The following CC2D2B variants were observed in gnomAD, a reference collection of about 807,000 sequenced individuals.
The protein encoded by CC2D2B is coiled-coil and C2 domain containing 2B.
In CC2D2B, 128 loss-of-function variants were observed where a neutral mutation model predicts 161.2. The observed-to-expected ratio is 0.79, with a 90% CI of 0.69 to 0.92. The LOEUF (loss-of-function observed/expected upper bound fraction) is 0.92, where lower values mean the gene tolerates loss of function less well. Ranked by LOEUF, CC2D2B falls within the 40% of genes least tolerant of loss-of-function variation. CC2D2B has a pLI of 0.00. For missense variants in CC2D2B, 1,173 were observed against 1,375.1 expected (o/e 0.85, Z 2.32); for synonymous variants, 391 against 449.8 (o/e 0.87, Z 1.65).
intron 17 of CC2D2B, among the ~76,000 whole-genome samples, chr10:95,979,074 G>C (rs1028385229): frequency 6.6e-6 from 1 of 151,824 alleles, no homozygotes; most frequent in Non-Finnish European, 1.5e-5. Flanking sequence ...TTATTTTTCT[G>C]AGCATGGCTT....
intron 24 of CC2D2B, among the ~76,000 whole-genome samples, chr10:96,003,390 C>G (rs1283696103): frequency 1.3e-5 from 2 of 150,190 alleles, no homozygotes; most frequent in African/African-American, 4.9e-5. Flanking sequence ...AGAAAATTAA[C>G]ATGGGAAAGA....
chr10:95,917,252 T>G (rs1226515137), intron 2 of CC2D2B, among the ~76,000 whole-genome samples: 4 of 152,160 alleles, frequency 2.6e-5, no homozygotes, highest in African/African-American at 9.7e-5. Flanking sequence ...TCCTTTTCAG[T>G]GTTTATGTGT....
At chr10:96,030,266 A>T (rs551287170) in intron 34 of CC2D2B, among the ~76,000 whole-genome samples, 2 of 151,422 alleles carry the variant, frequency 1.3e-5, no homozygotes, top group Admixed American at 1.3e-4. Flanking sequence ...GACATCTCAA[A>T]CTCAGCAAGT....
chr10:95,983,172 C>G (rs976521992), intron 18 of CC2D2B, among the ~76,000 whole-genome samples: 1 of 152,210 alleles, frequency 6.6e-6, no homozygotes, highest in Non-Finnish European at 1.5e-5. Context: ...CTCGTGTGTA[C>G]TATGCACTCA....
At chr10:95,935,906 T>C (rs2075804410) in intron 6 of CC2D2B, among the ~76,000 whole-genome samples, 1 of 152,212 alleles carries the variant, frequency 6.6e-6, no homozygotes. Context: ...TATTTCTGTG[T>C]CTATTTGTTT....
Position 96,009,854 on chromosome 10 carries a change from C to T in CC2D2B, c.2976C>T (p.His992=). 1 of 1,605,664 alleles carries T rather than the reference C, an allele frequency of 6.2e-7. No homozygotes were observed. The part of the protein sequence containing the change: ...EDHCLKSCSG[H]SYIRKNWLGC... ...ACTGTCTCAAGAGCTGTAGTGGTCA[C>T]TCATATATAAGAAAGAATTGGCTTG... Residue 992 remains histidine, a synonymous_variant, in exon 26 of 35, where the codon CAC becomes CAT. Transcript: ENST00000646931.
In CC2D2B at chr10:95,939,763, G is replaced by C. The variant is rs558892134; in HGVS notation, c.801+838G>C. 2.0e-5 allele frequency among the ~76,000 whole-genome samples: 3 copies of C among 152,250 alleles called. No homozygotes were observed. The East Asian group carries it at 5.8e-4, about 29-fold the overall frequency. ...TGAAACTGAACACCTTTTCATGTCT[G>C]TTGGTTATTAGGACAGCCTTTTTTA... On this transcript the variant is annotated intron_variant, in intron 9 of 34. Transcript: ENST00000646931.
Position 95,945,346 on chromosome 10 carries a change from C to T in CC2D2B, c.802-4550C>T, listed in dbSNP as rs186004673. The stretch of plus-strand genomic sequence containing the variant: ...CAGCCTTGAAGGAAAAGCTGATTTA[C>T]GGTCTCTCACCAGAATAAATATAAG... On this transcript the variant is annotated intron_variant, in intron 9 of 34. Coordinates refer to ENST00000646931, the MANE Select transcript of CC2D2B (RefSeq NM_001349008.3). 7.2e-5 allele frequency among the ~76,000 whole-genome samples: 11 copies of T among 152,252 alleles called. No individual in the cohort carries two copies. The East Asian group carries it at 9.6e-4, about 13-fold the overall frequency.
intron 2 of CC2D2B, chr10:95,918,902 C>T (rs1310288458): frequency 6.6e-6 from 1 of 152,098 alleles, no homozygotes; most frequent in Non-Finnish European, 1.5e-5. Context: ...TGTTGGGAGA[C>T]TCTGATGCAT....
intron 34 of CC2D2B, among the ~76,000 whole-genome samples, chr10:96,028,516 ACC>A (rs2079881749): frequency 6.6e-6 from 1 of 152,210 alleles, no homozygotes; most frequent in Non-Finnish European, 1.5e-5. Context: ...ACCTTTGTAC[ACC>A]GTTAGTGGGA....
chr10:95,953,731 G>A (rs922727115), intron 10 of CC2D2B, among the ~76,000 whole-genome samples: 5 of 152,044 alleles, frequency 3.3e-5, no homozygotes, highest in African/African-American at 1.2e-4. Context: ...TGGTTAATTT[G>A]GTGTCTCGAT....
rs2077997135 is a variant in CC2D2B at position 95,992,527 on chromosome 10, C to T, written c.2472C>T (p.Ser824=). Residue 824 remains serine, a splice_region_variant and synonymous_variant, in exon 22 of 35, where the codon AGC becomes AGT. Transcript: ENST00000646931. ...CTAATGATCATTTTTTACCCTTTAG[C>T]CAATTGACAGATGCAGTTTGTAAGT... ...VNDYEEIVST[S]QLTDAVCKFV... is the part of the protein sequence containing the mutation. 1 of 1,234,004 alleles carries T rather than the reference C, an allele frequency of 8.1e-7. No homozygotes were observed. The highest frequency in any genetic ancestry group is 1.0e-6 in the Non-Finnish European group (1 of 987,996). The allele number at this position is 1,234,004 out of a possible 1,614,324, so 76.4% of individuals were successfully genotyped here. A position where few individuals can be genotyped will look rare whatever the true frequency, so the allele number is the denominator to read the frequency against.
At chr10:95,944,152 T>G (rs767825418) in intron 9 of CC2D2B, among the ~76,000 whole-genome samples, 9 of 152,194 alleles carry the variant, frequency 5.9e-5, no homozygotes, top group Non-Finnish European at 1.0e-4. Context: ...CACTGTATGC[T>G]TTTAGGGTCC....
chr10:95,961,950 A>G lies in CC2D2B; in HGVS notation c.1231A>G (p.Ile411Val). Reference protein sequence around the residue: ...RHGQGFTSTPIKLQVQRIKMN... With the variant: ...RHGQGFTSTPVKLQVQRIKMN... The stretch of plus-strand genomic sequence containing the variant: ...TGGGCAAGGGTTTACAAGCACCCCA[A>G]TAAAGTTACAGGTTCAGAGGTAAGT... Residue 411 changes from isoleucine (I) to valine (V), a missense_variant, in exon 12 of 35, where the codon ATA becomes GTA. By Grantham distance (29) the Ile-to-Val change is conservative (BLOSUM62 3). This residue lies in a region of CC2D2B where 277 missense variants were observed against 420.6 expected (regional missense o/e 0.66). Transcript: ENST00000646931. 1 of 1,231,640 alleles carries G rather than the reference A, an allele frequency of 8.1e-7. No homozygotes were observed. The highest frequency in any genetic ancestry group is 1.0e-6 in the Non-Finnish European group (1 of 987,634). The allele number at this position is 1,231,640 out of a possible 1,614,324, so 76.3% of individuals were successfully genotyped here.
At chr10:96,018,134 G>T (rs1339379226) in intron 30 of CC2D2B, among the ~76,000 whole-genome samples, 1 of 152,140 alleles carries the variant, frequency 6.6e-6, no homozygotes, top group Admixed American at 6.5e-5. Context: ...GTGAATGAAA[G>T]TGACAAAGTT....
intron 12 of CC2D2B, among the ~76,000 whole-genome samples, chr10:95,963,113 C>T (rs1003214772): frequency 2.0e-5 from 3 of 152,166 alleles, no homozygotes; most frequent in Non-Finnish European, 4.4e-5. Context: ...TCCAGACTGC[C>T]TCTCAGCTAA....
chr10:95,958,611 A>G (rs952322495), intron 11 of CC2D2B, among the ~76,000 whole-genome samples: 11 of 152,124 alleles, frequency 7.2e-5, no homozygotes, highest in African/African-American at 2.7e-4. Context: ...TTGAAATGAA[A>G]AAGTCACTAG....
intron 30 of CC2D2B, among the ~76,000 whole-genome samples, chr10:96,016,778 T>G (rs1022120348): frequency 6.6e-6 from 1 of 152,208 alleles, no homozygotes; most frequent in Non-Finnish European, 1.5e-5. Flanking sequence ...TGGAGGGCAA[T>G]AGCGTGATCT....
intron 23 of CC2D2B, 72 bp downstream of exon 23, chr10:95,995,437 C>T (rs2078193552): frequency 1.4e-6 from 1 of 717,944 alleles, no homozygotes; most frequent in Admixed American, 3.3e-5. Context: ...ACTCTTAATT[C>T]ATCTCTCCAT....
Sources: allele counts gnomAD v4.1 joint callset (sites outside exome capture counted in the v4.1 genomes callset), GRCh38; gene constraint gnomAD v4.1.1; regional missense constraint gnomAD v4.1.1; transcripts MANE v1.5; gene names NCBI Gene and HGNC (gene_info 2026-07-23, HGNC 2026-07-21).